CLCN4: variants seen among roughly 807,000 people sequenced by gnomAD.
CLCN4 encodes Cl-/H+ antiporter 4, also known as H(+)/Cl(-) exchange transporter 4.
Under a neutral mutation model 41.7 loss-of-function variants are expected in CLCN4, and 1 was observed. That is an observed-to-expected ratio of 0.02 (90% CI 0.01 to 0.11). The LOEUF is 0.11. CLCN4 is among the 10% of genes least tolerant of loss of function. The pLI, the probability that CLCN4 is intolerant of heterozygous loss-of-function variation, is 1.00. For missense variants in CLCN4, 287 were observed against 661.0 expected (o/e 0.43, Z 6.20); for synonymous variants, 277 against 285.8 (o/e 0.97, Z 0.31).
chrX:10,201,952 A>C lies in CLCN4; in HGVS notation c.555+3891A>C, dbSNP rs779320723. 2.7e-5 allele frequency among the ~76,000 whole-genome samples: 3 copies of C among 111,278 alleles called. No homozygotes were observed. In the East Asian group the frequency reaches 8.5e-4, roughly 32 times the overall value. ...TGCACCACTGCACTCCAGCCCGGAC[A>C]ACAGAGCAAGACCTTGTTTCTAAAA... On this transcript the variant is annotated intron_variant, in intron 6 of 12. Coordinates refer to ENST00000380833, the MANE Select transcript of CLCN4 (RefSeq NM_001830.4).
intron 12 of CLCN4, among the ~76,000 whole-genome samples, chrX:10,225,744 TTAATC>T (rs763974750): frequency 8.9e-6 from 1 of 112,228 alleles, no homozygotes; most frequent in South Asian, 3.7e-4. Flanking sequence ...ATTTAAATCT[TTAATC>T]TATCTTGAGT....
In CLCN4 at chrX:10,237,613, CTA is replaced by C. The variant is rs1375980429; in HGVS notation, c.*4031_*4032del. 9.0e-6 allele frequency: 1 copy of C among 111,571 alleles called. No individual in the cohort carries two copies. Among genetic ancestry groups the C allele is most frequent in the Middle Eastern group, 4.2e-3 (1 of 240 alleles). 9.2% of individuals were successfully genotyped at this position (111,571 alleles called of 1,213,427 possible). ...TTATTAAATATTAAATGTCTGAACT[CTA>C]TTTTTAAAAATAAAACAAGCACAGA... On this transcript the variant is annotated 3_prime_UTR_variant, in exon 13 of 13. Coordinates refer to ENST00000380833, the MANE Select transcript of CLCN4 (RefSeq NM_001830.4).
At chrX:10,211,955 G>A (rs1289483842) in intron 9 of CLCN4, among the ~76,000 whole-genome samples, 1 of 111,910 alleles carries the variant, frequency 8.9e-6, no homozygotes, top group African/African-American at 3.3e-5. Context: ...CCACCTACTA[G>A]AGAGGGCAGG....
At chrX:10,177,198 T>C (rs1923556877) in intron 2 of CLCN4, among the ~76,000 whole-genome samples, 1 of 112,846 alleles carries the variant, frequency 8.9e-6, no homozygotes, top group Admixed American at 9.4e-5. Flanking sequence ...TAAAGTTTTA[T>C]TGAAACACAG....
At chrX:10,212,362 T>C in intron 9 of CLCN4, 105 bp from the exon 10 acceptor site, 1 of 797,945 alleles carries the variant, frequency 1.3e-6, no homozygotes, top group Non-Finnish European at 1.8e-6. Flanking sequence ...CTCTGAAGAC[T>C]GAAGCTAAAT....
chrX:10,171,978 C>T (rs1001060207), intron 2 of CLCN4, among the ~76,000 whole-genome samples: 1 of 112,008 alleles, frequency 8.9e-6, no homozygotes, highest in African/African-American at 3.3e-5. Context: ...CAGCATAGAT[C>T]ACAGTATTTG....
intron 2 of CLCN4, among the ~76,000 whole-genome samples, chrX:10,162,717 G>T (rs759990927): frequency 8.9e-6 from 1 of 112,503 alleles, no homozygotes; most frequent in African/African-American, 3.2e-5. Context: ...GCTCATGAGA[G>T]AATGAACTTA....
intron 2 of CLCN4, among the ~76,000 whole-genome samples, chrX:10,182,735 T>A (rs1348664373): frequency 8.9e-6 from 1 of 112,360 alleles, no homozygotes; most frequent in Non-Finnish European, 1.9e-5. Context: ...CCCTAGATGA[T>A]CTTTTAATCC....
In CLCN4 at chrX:10,159,845, G is replaced by A. The variant is rs775590258; in HGVS notation, c.-12+1294G>A. Among the ~76,000 whole-genome samples the A allele has an allele frequency of 3.1e-4, 35 of 111,502 alleles. 1 individual carries two copies. Among genetic ancestry groups the A allele is most frequent in the African/African-American group, 1.1e-3 (35 of 30,626 alleles). ...AGATAGAGCAAAGCAGATGATAGAG[G>A]TGGATCTAATACAGACCTAGATTCC... On this transcript the variant is annotated intron_variant, in intron 2 of 12. Coordinates refer to ENST00000380833, the MANE Select transcript of CLCN4 (RefSeq NM_001830.4).
chrX:10,196,538 C>CTTTTTTTTTTTTTTTTTTTTTTTTTT (rs141362799), intron 5 of CLCN4, among the ~76,000 whole-genome samples: 1 of 80,914 alleles, frequency 1.2e-5, no homozygotes, highest in Non-Finnish European at 2.3e-5. Flanking sequence ...CCCTTCCCCA[C>CTTTTTTTTTTTTTTTTTTTTTTTTTT]TTTTTTTTTT....
intron 6 of CLCN4, among the ~76,000 whole-genome samples, chrX:10,203,933 A>G (rs772652990): frequency 2.5e-4 from 28 of 112,085 alleles, no homozygotes; most frequent in South Asian, 7.5e-4. Context: ...TATGTATTAC[A>G]TAATGGGAAA....
At chrX:10,188,962 T>C (rs1480467487) in intron 4 of CLCN4, among the ~76,000 whole-genome samples, 3 of 112,021 alleles carry the variant, frequency 2.7e-5, no homozygotes, top group African/African-American at 6.5e-5. Context: ...ACAGATGCTG[T>C]CTGTCCGTTT....
rs751747635 is a variant in CLCN4 at position 10,195,681 on chromosome X, A to C, written c.432+583A>C. On this transcript the variant is annotated intron_variant, in intron 5 of 12. Coordinates refer to ENST00000380833, the MANE Select transcript of CLCN4 (RefSeq NM_001830.4). Reference sequence around the variant, plus strand: ...AACCTGCCAGCTCTGAGCAACCACTAATCTACCTTTTGTCTCTCTAGATTT... The same window carrying C: ...AACCTGCCAGCTCTGAGCAACCACTCATCTACCTTTTGTCTCTCTAGATTT... Among the ~76,000 whole-genome samples the C allele has an allele frequency of 8.0e-5, 9 of 111,845 alleles. 1 individual carries two copies. In the Middle Eastern group the frequency reaches 0.018, roughly 227 times the overall value.
At chrX:10,196,629 G>A (rs768213485) in intron 5 of CLCN4, among the ~76,000 whole-genome samples, 9 of 106,375 alleles carry the variant, frequency 8.5e-5, no homozygotes, top group Non-Finnish European at 1.7e-4. Flanking sequence ...TTTCTCAGTG[G>A]AATTGAAAAT....
At chrX:10,216,777 G>T (rs1264942691) in intron 11 of CLCN4, among the ~76,000 whole-genome samples, 2 of 103,860 alleles carry the variant, frequency 1.9e-5, no homozygotes, top group African/African-American at 7.0e-5. Context: ...TAAGTGTCAG[G>T]TCTGTCAGAC....
intron 11 of CLCN4, among the ~76,000 whole-genome samples, chrX:10,216,029 G>A (rs1448133683): frequency 5.4e-5 from 6 of 111,598 alleles, no homozygotes; most frequent in Non-Finnish European, 1.1e-4. Context: ...GAGAAATACA[G>A]GTGCATGACC....
At chrX:10,188,819 A>T (rs1923881046) in intron 4 of CLCN4, among the ~76,000 whole-genome samples, 2 of 112,024 alleles carry the variant, frequency 1.8e-5, no homozygotes, top group Admixed American at 1.9e-4. Flanking sequence ...TTTCCAGGTG[A>T]TCTTGATTTA....
intron 2 of CLCN4, among the ~76,000 whole-genome samples, chrX:10,177,272 G>A (rs1178213125): frequency 8.9e-6 from 1 of 112,300 alleles, no homozygotes; most frequent in Non-Finnish European, 1.9e-5. Flanking sequence ...GAGCTGAGTC[G>A]TCTAGACAGA....
In CLCN4 at chrX:10,158,306, C is replaced by T. The variant is rs1923002219; in HGVS notation, c.-257C>T. 3.4e-6 allele frequency: 1 copy of T among 290,491 alleles called. No homozygotes were observed. Among genetic ancestry groups the T allele is most frequent in the Non-Finnish European group, 6.0e-6 (1 of 166,299 alleles). The allele number at this position is 290,491 out of a possible 1,213,427, so 23.9% of individuals were successfully genotyped here. A position where few individuals can be genotyped will look rare whatever the true frequency, so the allele number is the denominator to read the frequency against. ...CGCGAAAGGCCAGGCAAGCTGCACACATCAAGCGAAACGCCTGAGGGGCGG... is the reference window on the plus strand; with the variant it reads ...CGCGAAAGGCCAGGCAAGCTGCACATATCAAGCGAAACGCCTGAGGGGCGG... On this transcript the variant is annotated 5_prime_UTR_variant, in exon 2 of 13. Transcript: ENST00000380833.
Sources: gnomAD v4.1 joint callset for allele counts (sites outside exome capture counted in the v4.1 genomes callset) on GRCh38, gnomAD v4.1.1 for gene constraint, MANE v1.5 for transcripts, NCBI Gene and HGNC (gene_info 2026-07-23, HGNC 2026-07-21) for gene names.